FBXL16: variants seen among roughly 807,000 people sequenced by gnomAD.
The protein encoded by FBXL16 is F-box and leucine rich repeat protein 16.
FBXL16 carries 7 observed loss-of-function variants against 36.7 expected under a neutral mutation model. The observed-to-expected ratio is 0.19, with a 90% confidence interval of 0.11 to 0.36. The LOEUF is 0.36. FBXL16 is among the 10% of genes least tolerant of loss of function. FBXL16 has a pLI of 1.00. For missense variants in FBXL16, 463 were observed against 659.4 expected, an observed-to-expected ratio of 0.70 and a Z score of 3.26; for synonymous variants, 355 against 308.7, an observed-to-expected ratio of 1.15 and a Z score of -1.57.
rs776203812 is a variant in FBXL16, at chr16:697,400, C to G, written c.6G>C (p.Ser2=). Residue 2 remains serine, a synonymous_variant, in exon 2 of 6, where the codon TCG becomes TCC. Coordinates refer to ENST00000397621, the MANE Select transcript of FBXL16 (RefSeq NM_153350.4). This position sits in a 1 kb window ranked among gnomAD's most constrained non-coding sequence, Gnocchi z 4.6. ...TGGGGTCGCCGTCGATGCCCGGGCT[C>G]GACATCTTCCTGGCACGCTCTGTGG... M[S]SPGIDGDPKP... The G allele has an allele frequency of 7.4e-5, 114 of 1,532,792 alleles. No individual in the cohort carries two copies. The highest frequency in any genetic ancestry group is 9.3e-5 in the Non-Finnish European group (107 of 1,145,808). The allele number at this position is 1,532,792 out of a possible 1,614,324, so 94.9% of individuals were successfully genotyped here.
intron 1 of FBXL16, among the ~76,000 whole-genome samples, chr16:702,564 C>G (rs1186486290): frequency 6.6e-6 from 1 of 152,218 alleles, no homozygotes; most frequent in Non-Finnish European, 1.5e-5. Flanking sequence ...TCCGCTAGCT[C>G]AGTCACGCAG....
rs11555893 is a variant in FBXL16 at position 697,007 on chromosome 16, G to A, written c.399C>T (p.Phe133=). 6.3e-7 allele frequency: 1 copy of A among 1,596,866 alleles called. No homozygotes were observed. The highest frequency in any genetic ancestry group is 8.5e-7 in the Non-Finnish European group (1 of 1,172,056). The change falls in exon 2 of 6, where the codon TTC becomes TTT. Residue 133 remains phenylalanine (F), a synonymous_variant. Transcript: ENST00000397621. The surrounding 1 kb of genome is among the most constrained non-coding windows in gnomAD (Gnocchi z 4.6). ...GCAGCACCGGCGTGAGGCCTGCCCA[G>A]AACTTGGGCTGGTACAGCACGCGCC... is the stretch of plus-strand genomic sequence containing the variant. ...AWRRVLYQPK[F]WAGLTPVLHA... is the part of the protein sequence containing the mutation.
rs778846761 is a variant in FBXL16 at position 695,782 on chromosome 16, C to T, written c.775G>A (p.Ala259Thr). The T allele has an allele frequency of 6.2e-7, 1 of 1,605,610 alleles. No homozygotes were observed. The highest frequency in any genetic ancestry group is 8.5e-7 in the Non-Finnish European group (1 of 1,178,102). ...VSDCINVADD[A>T]IAAISQLLPN... ...AGCAGCTGCGAGATGGCCGCGATGG[C>T]GTCGTCGGCCACGTTGATGCAGTCA... The change falls in exon 3 of 6, where the codon GCC (alanine) becomes ACC (threonine). Residue 259 changes from alanine to threonine, a missense_variant. Physicochemically the swap from Ala to Thr is moderately conservative, Grantham distance 58 (BLOSUM62 0). Coordinates refer to ENST00000397621, the MANE Select transcript of FBXL16 (RefSeq NM_153350.4).
At chr16:702,460 G>A (rs2040064539) in intron 1 of FBXL16, among the ~76,000 whole-genome samples, 8 of 152,158 alleles carry the variant, frequency 5.3e-5, no homozygotes, top group Admixed American at 5.2e-4. Flanking sequence ...CTGGCCTGAG[G>A]ACTCTTGAGG....
At chr16:702,849 G>T (rs773819418) in intron 1 of FBXL16, among the ~76,000 whole-genome samples, 3 of 152,210 alleles carry the variant, frequency 2.0e-5, no homozygotes, top group Non-Finnish European at 4.4e-5. Context: ...TCTCTCTTCA[G>T]GAGCTGCAGG....
chr16:694,059 G>A lies in FBXL16; in HGVS notation c.*216C>T, dbSNP rs965265888. The A allele has an allele frequency of 6.7e-5, 16 of 239,158 alleles. No homozygotes were observed. The highest frequency in any genetic ancestry group is 8.0e-5 in the East Asian group (1 of 12,536). The allele number at this position is 239,158 out of a possible 1,614,324, so 14.8% of individuals were successfully genotyped here. ...CCGAGTGTGCGTGCGTGCGTGGGGC[G>A]GGCCCACCCGCCGCCCCCCTGCCCG... On this transcript the variant is annotated 3_prime_UTR_variant, in exon 6 of 6. Coordinates refer to ENST00000397621, the MANE Select transcript of FBXL16 (RefSeq NM_153350.4).
rs1455934499 is a variant in FBXL16 at position 693,757 on chromosome 16, G to A, written c.*518C>T. The stretch of plus-strand genomic sequence containing the variant: ...GGGCTCCAGGTATGGTGCGGTGGAA[G>A]ATGCAGGAAGCCCGTGGGGCTCTTC... On this transcript the variant is annotated 3_prime_UTR_variant, in exon 6 of 6. Transcript: ENST00000397621. The A allele has an allele frequency of 2.0e-5, 3 of 152,868 alleles. No individual in the cohort carries two copies. The highest frequency in any genetic ancestry group is 7.2e-5 in the African/African-American group (3 of 41,448). The allele number at this position is 152,868 out of a possible 1,614,324, so 9.5% of individuals were successfully genotyped here.
At chr16:702,616 G>C (rs896056704) in intron 1 of FBXL16, among the ~76,000 whole-genome samples, 1 of 152,244 alleles carries the variant, frequency 6.6e-6, no homozygotes, top group Non-Finnish European at 1.5e-5. Flanking sequence ...GCTGATGGAG[G>C]ATTGGTCAAA....
rs375630002 is a variant in FBXL16 at position 701,246 on chromosome 16, G to A, written c.-14-3827C>T. The stretch of plus-strand genomic sequence containing the variant: ...GCGGCCGTCTGGGTATGGGTCCGGG[G>A]CCTGGCTTCCCTCATCCACACCCGC... On this transcript the variant is annotated intron_variant, in intron 1 of 5. Coordinates refer to ENST00000397621, the MANE Select transcript of FBXL16 (RefSeq NM_153350.4). 3.3e-4 allele frequency among the ~76,000 whole-genome samples: 51 copies of A among 152,292 alleles called. No individual in the cohort carries two copies. The South Asian group carries it at 9.9e-3, about 30-fold the overall frequency.
In FBXL16 at chr16:695,040, C is replaced by A. The variant is rs761582018; in HGVS notation, c.1179G>T (p.Leu393=). 5 of 1,590,594 alleles carry A rather than the reference C, an allele frequency of 3.1e-6. No individual in the cohort carries two copies. In the African/African-American group the frequency reaches 6.7e-5, roughly 21 times the overall value. Residue 393 remains leucine, a synonymous_variant, in exon 4 of 6, where the codon CTG becomes CTT. Coordinates refer to ENST00000397621, the MANE Select transcript of FBXL16 (RefSeq NM_153350.4). ...GGCTGCGGAGGGACGACATGGTGGACAGATAGCTGAGGCCAGTGTCCGTGA... is the reference window on the plus strand; with the variant it reads ...GGCTGCGGAGGGACGACATGGTGGAAAGATAGCTGAGGCCAGTGTCCGTGA... ...VRITDTGLSY[L]STMSSLRSLY...
In FBXL16 at chr16:694,374, C is replaced by T. The variant is rs2039994165; in HGVS notation, c.1341G>A (p.Gln447=). Residue 447 remains glutamine (Q), a synonymous_variant, in exon 6 of 6, where the codon CAG becomes CAA. Transcript: ENST00000397621. ...TGGTCAGCTCCAGCTCCTCCAGCTCCTGCAGCTGCACCAGGCCCGACAGCC... is the reference window on the plus strand; with the variant it reads ...TGGTCAGCTCCAGCTCCTCCAGCTCTTGCAGCTGCACCAGGCCCGACAGCC... ...TTGLSGLVQL[Q]ELEELELTNC... 6.5e-7 allele frequency: 1 copy of T among 1,542,140 alleles called. No homozygotes were observed. Among genetic ancestry groups the T allele is most frequent in the East Asian group, 2.5e-5 (1 of 39,600 alleles).
chr16:698,838 C>T (rs1224572306), intron 1 of FBXL16, among the ~76,000 whole-genome samples: 1 of 139,930 alleles, frequency 7.1e-6, no homozygotes, highest in Non-Finnish European at 1.5e-5. Context: ...CACTTGAATC[C>T]AGGAGGCGGA....
In FBXL16 at chr16:697,255, GTGGTGGCTGGCAGGGGCGGTTCT is replaced by G; in HGVS notation, c.128_150del (p.Lys43ThrfsTer133). 3 of 1,495,854 alleles carry G rather than the reference GTGGTGGCTGGCAGGGGCGGTTCT, an allele frequency of 2.0e-6. No individual in the cohort carries two copies. Among genetic ancestry groups the G allele is most frequent in the Non-Finnish European group, 1.8e-6 (2 of 1,125,338 alleles). The allele number at this position is 1,495,854 out of a possible 1,614,324, so 92.7% of individuals were successfully genotyped here. On this transcript the variant is annotated frameshift_variant, in exon 2 of 6. Coordinates refer to ENST00000397621, the MANE Select transcript of FBXL16 (RefSeq NM_153350.4). LOFTEE classifies it high-confidence loss of function. This position sits in a 1 kb window ranked among gnomAD's most constrained non-coding sequence, Gnocchi z 4.6. ...CTGGGTGGTGGGAGGGTGGGTGGGG[GTGGTGGCTGGCAGGGGCGGTTCT>G]TGGTGGCTGGCGTGCCCTTGGTGAT...
In FBXL16 at chr16:695,828, G is replaced by T. The variant is rs1242654994; in HGVS notation, c.729C>A (p.Arg243=). The change falls in exon 3 of 6, where the codon CGC becomes CGA. Residue 243 remains arginine, a synonymous_variant. Transcript: ENST00000397621. ...AGTCACTCACGCTCAGCGAGGTGAT[G>T]CGCGCGCTCAGGCTGGACCACAGCC... ...EAGLWSSLSA[R]ITSLSVSDCI... is the part of the protein sequence containing the mutation. The T allele has an allele frequency of 1.2e-6, 2 of 1,609,002 alleles. No homozygotes were observed. The highest frequency in any genetic ancestry group is 1.7e-6 in the Non-Finnish European group (2 of 1,178,330).
intron 1 of FBXL16, among the ~76,000 whole-genome samples, chr16:698,913 C>CAAAAAAAAAAAAAA (rs767619638): frequency 1.1e-5 from 1 of 89,734 alleles, no homozygotes; most frequent in Non-Finnish European, 2.5e-5. Flanking sequence ...GACTTTGTCT[C>CAAAAAAAAAAAAAA]AAAAAAAAAA....
intron 1 of FBXL16, among the ~76,000 whole-genome samples, chr16:701,347 C>T (rs2040055654): frequency 1.3e-5 from 2 of 152,222 alleles, no homozygotes; most frequent in Admixed American, 6.5e-5. Context: ...CATCCCCGCA[C>T]AGGCAGCCCC....
rs1261574495 is a variant in FBXL16 at position 693,205 on chromosome 16, G to A, written c.*1070C>T. ...GGGTGGGGGGGCAGGCTAGAAAGGAGCCCTCCCTCCTCGGGGTGTCTAGGG... is the reference window on the plus strand; with the variant it reads ...GGGTGGGGGGGCAGGCTAGAAAGGAACCCTCCCTCCTCGGGGTGTCTAGGG... On this transcript the variant is annotated 3_prime_UTR_variant, in exon 6 of 6. Coordinates refer to ENST00000397621, the MANE Select transcript of FBXL16 (RefSeq NM_153350.4). 1 of 152,280 alleles carries A rather than the reference G, an allele frequency of 6.6e-6. No individual in the cohort carries two copies. Among genetic ancestry groups the A allele is most frequent in the African/African-American group, 2.4e-5 (1 of 41,434 alleles). 9.4% of individuals were successfully genotyped at this position (152,280 alleles called of 1,614,324 possible).
In FBXL16 at chr16:694,565, G is replaced by A; in HGVS notation, c.1291+69C>T. 3.9e-6 allele frequency: 6 copies of A among 1,538,514 alleles called. No homozygotes were observed. In the South Asian group the frequency reaches 5.9e-5, roughly 15 times the overall value. ...TGTGAGTTTGCACAAGGACCGGGCAGGTTGGGCGGGTGGACTAAGTGGGGG... is the reference window on the plus strand; with the variant it reads ...TGTGAGTTTGCACAAGGACCGGGCAAGTTGGGCGGGTGGACTAAGTGGGGG... On this transcript the variant is annotated intron_variant, in intron 5 of 5. Transcript: ENST00000397621.
chr16:695,669 C>T lies in FBXL16; in HGVS notation c.888G>A (p.Thr296=). 1 of 1,606,202 alleles carries T rather than the reference C, an allele frequency of 6.2e-7. No individual in the cohort carries two copies. ...AGCAGGAGAGCAGGCGCAGCGTGTG[C>T]GTGCTGTGGCCCTGGCGCGCCGTGA... The part of the protein sequence containing the change: ...AYFTARQGHS[T]HTLRLLSCWE... The change falls in exon 3 of 6, where the codon ACG becomes ACA. Residue 296 remains threonine (T), a synonymous_variant. Coordinates refer to ENST00000397621, the MANE Select transcript of FBXL16 (RefSeq NM_153350.4).
Sources: allele counts gnomAD v4.1 joint callset (sites outside exome capture counted in the v4.1 genomes callset), GRCh38; gene constraint gnomAD v4.1.1; non-coding constraint Gnocchi (gnomAD v3.1); transcripts MANE v1.5; gene names NCBI Gene and HGNC (gene_info 2026-07-23, HGNC 2026-07-21).